Variants in CDH12 observed in about 807,000 individuals in gnomAD.
The protein encoded by CDH12 is cadherin-12.
In CDH12, 41 loss-of-function variants were observed where a neutral mutation model predicts 74.1. The observed-to-expected ratio is 0.55, with a 90% CI of 0.43 to 0.72. The LOEUF is 0.72. Among genes scored for constraint, CDH12 ranks in the 30% least tolerant of loss-of-function variants. The pLI is 0.00. For missense variants in CDH12, 945 were observed against 977.2 expected, an observed-to-expected ratio of 0.97 and a Z score of 0.44; for synonymous variants, 399 against 355.0, an observed-to-expected ratio of 1.12 and a Z score of -1.39.
At chr5:22,260,454 G>A (rs937594460) in intron 3 of CDH12, among the ~76,000 whole-genome samples, 1 of 152,114 alleles carries the variant, frequency 6.6e-6, no homozygotes, top group Middle Eastern at 3.4e-3. Flanking sequence ...CTGCTCAGAC[G>A]AGAATAATTT....
At chr5:21,850,405 G>GTA (rs1207351764) in intron 7 of CDH12, among the ~76,000 whole-genome samples, 2 of 151,274 alleles carry the variant, frequency 1.3e-5, no homozygotes, top group East Asian at 3.9e-4. Flanking sequence ...ATGTGTGTGT[G>GTA]TATCTCTTAT....
intron 1 of CDH12, among the ~76,000 whole-genome samples, chr5:22,570,733 T>G (rs767915163): frequency 8.5e-5 from 13 of 152,200 alleles, no homozygotes; most frequent in Non-Finnish European, 1.8e-4. Context: ...TCAGCAGCTG[T>G]ATTAGCCCCT....
chr5:22,604,188 G>A (rs1736986386), intron 1 of CDH12, among the ~76,000 whole-genome samples: 1 of 152,180 alleles, frequency 6.6e-6, no homozygotes, highest in African/African-American at 2.4e-5. Context: ...TGATCATAAA[G>A]TTATTGTTAG....
chr5:21,803,806 G>A (rs974567973), intron 9 of CDH12, among the ~76,000 whole-genome samples: 1 of 152,016 alleles, frequency 6.6e-6, no homozygotes, highest in Non-Finnish European at 1.5e-5. Flanking sequence ...CTTTACTGTA[G>A]TACACCTGGG....
chr5:22,287,754 T>C (rs1001257024), intron 3 of CDH12, among the ~76,000 whole-genome samples: 54 of 151,636 alleles, frequency 3.6e-4, no homozygotes, highest in African/African-American at 1.2e-3. Flanking sequence ...TATAACAATA[T>C]TTCATATAAA....
At chr5:21,756,993 T>C (rs1744434492) in intron 13 of CDH12, among the ~76,000 whole-genome samples, 1 of 152,088 alleles carries the variant, frequency 6.6e-6, no homozygotes, top group Non-Finnish European at 1.5e-5. Flanking sequence ...CAATTGATGG[T>C]TGAACACTTG....
chr5:22,835,004 A>G (rs928980605), intron 1 of CDH12, among the ~76,000 whole-genome samples: 3 of 152,144 alleles, frequency 2.0e-5, no homozygotes, highest in African/African-American at 7.2e-5. Context: ...ATAAAAACGC[A>G]TGAAATGTGC....
chr5:22,514,299 A>T (rs920650224), intron 1 of CDH12, among the ~76,000 whole-genome samples: 3 of 152,128 alleles, frequency 2.0e-5, no homozygotes, highest in Admixed American at 1.3e-4. Flanking sequence ...TGAAAAAAAT[A>T]CACAGAAACA....
At chr5:22,794,741 A>T (rs1259467652) in intron 1 of CDH12, among the ~76,000 whole-genome samples, 2 of 152,168 alleles carry the variant, frequency 1.3e-5, no homozygotes, top group Admixed American at 1.3e-4. Flanking sequence ...AAACCTGTGA[A>T]TATATTATCT....
intron 3 of CDH12, among the ~76,000 whole-genome samples, chr5:22,361,532 C>A (rs1740799781): frequency 3.9e-5 from 6 of 152,084 alleles, no homozygotes; most frequent in Admixed American, 3.9e-4. Flanking sequence ...TCAATGCCAT[C>A]CCCATCAAGC....
intron 5 of CDH12, among the ~76,000 whole-genome samples, chr5:22,000,331 T>C (rs189702268): frequency 1.3e-5 from 2 of 152,262 alleles, no homozygotes; most frequent in East Asian, 3.9e-4. Context: ...TGAGCCAATA[T>C]CTATGTGTAC....
intron 1 of CDH12, among the ~76,000 whole-genome samples, chr5:22,696,600 T>C (rs1742377316): frequency 6.6e-6 from 1 of 152,174 alleles, no homozygotes; most frequent in South Asian, 2.1e-4. Context: ...TTCATCAGAA[T>C]ATTGCTCAGT....
intron 1 of CDH12, among the ~76,000 whole-genome samples, chr5:22,737,975 C>T (rs775384677): frequency 4.6e-5 from 7 of 151,870 alleles, no homozygotes; most frequent in Admixed American, 6.6e-5. Flanking sequence ...GTGTAAATTT[C>T]GTTAGTTATG....
chr5:22,211,138 T>C lies in CDH12; in HGVS notation c.-187+1360A>G, dbSNP rs1044391179. ...ATGATAGCCAATTATTAGAAAGTGT[T>C]CTGACATCTTTATAAAATGTCCCAT... On this transcript the variant is annotated intron_variant, in intron 4 of 14. Coordinates refer to ENST00000382254, the MANE Select transcript of CDH12 (RefSeq NM_004061.5). Among the ~76,000 whole-genome samples the C allele has an allele frequency of 2.0e-5, 3 of 152,124 alleles. No homozygotes were observed. In the East Asian group the frequency reaches 5.8e-4, roughly 29 times the overall value.
At chr5:21,752,368 A>C (rs546205916) in intron 14 of CDH12, 132 bp from the exon 15 acceptor site, 1 of 714,486 alleles carries the variant, frequency 1.4e-6, no homozygotes, top group African/African-American at 1.8e-5. Flanking sequence ...TAGTAAACAT[A>C]CCATAATCAA....
At chr5:21,848,847 A>T (rs1199471365) in intron 7 of CDH12, among the ~76,000 whole-genome samples, 2 of 151,964 alleles carry the variant, frequency 1.3e-5, no homozygotes, top group East Asian at 1.9e-4. Context: ...ATATACCAGA[A>T]AACTCACATA....
At chr5:21,863,546 G>T (rs1751165291) in intron 6 of CDH12, among the ~76,000 whole-genome samples, 1 of 152,230 alleles carries the variant, frequency 6.6e-6, no homozygotes, top group Non-Finnish European at 1.5e-5. Context: ...GATTAGATAT[G>T]TATAGTACTC....
intron 1 of CDH12, among the ~76,000 whole-genome samples, chr5:22,529,091 A>ATATATGCATGT (rs1737430692): frequency 1.3e-5 from 2 of 149,820 alleles, no homozygotes; most frequent in Admixed American, 6.7e-5. Flanking sequence ...ATGCATGCAA[A>ATATATGCATGT]ACATGAATAT....
At chr5:22,294,797 C>T (rs1737553774) in intron 3 of CDH12, among the ~76,000 whole-genome samples, 2 of 152,204 alleles carry the variant, frequency 1.3e-5, no homozygotes, top group South Asian at 2.1e-4. Context: ...CATGGCCTCT[C>T]GTTTCTTATG....
Sources: gnomAD v4.1 joint callset for allele counts (sites outside exome capture counted in the v4.1 genomes callset) on GRCh38, gnomAD v4.1.1 for gene constraint, MANE v1.5 for transcripts, NCBI Gene and HGNC (gene_info 2026-07-23, HGNC 2026-07-21) for gene names.